The following BBX variants were observed in gnomAD, a reference collection of about 807,000 sequenced individuals.
The protein encoded by BBX is HMG box transcription factor BBX.
In BBX, 30 loss-of-function variants were observed where a neutral mutation model predicts 100.2. That is an observed-to-expected ratio of 0.30 (90% CI 0.22 to 0.41). The LOEUF is 0.41. Ranked by LOEUF, BBX falls within the 10% of genes least tolerant of loss-of-function variation. BBX has a pLI of 1.00. For missense variants in BBX, 1,023 were observed against 1,129.8 expected, an observed-to-expected ratio of 0.91 and a Z score of 1.35; for synonymous variants, 376 against 388.1, an observed-to-expected ratio of 0.97 and a Z score of 0.37.
At chr3:107,561,863 T>C (rs578171119) in intron 2 of BBX, among the ~76,000 whole-genome samples, 3 of 152,368 alleles carry the variant, frequency 2.0e-5, no homozygotes, top group East Asian at 1.9e-4. Flanking sequence ...TTTATCACTA[T>C]TTGCACTTTC....
intron 3 of BBX, among the ~76,000 whole-genome samples, chr3:107,688,610 C>G (rs934214311): frequency 2.0e-5 from 3 of 152,184 alleles, no homozygotes; most frequent in Admixed American, 2.0e-4. Flanking sequence ...TATATATTAT[C>G]TATTCCCTAA....
intron 2 of BBX, among the ~76,000 whole-genome samples, chr3:107,575,180 C>G (rs542077606): frequency 1.8e-4 from 28 of 152,278 alleles, no homozygotes; most frequent in African/African-American, 6.0e-4. Flanking sequence ...CTTTACTTGT[C>G]TAGTTGTATA....
chr3:107,536,139 T>C (rs1169861388), intron 2 of BBX, among the ~76,000 whole-genome samples: 2 of 152,196 alleles, frequency 1.3e-5, no homozygotes, highest in African/African-American at 2.4e-5. Context: ...GTGATTTAAG[T>C]GTGCTTTTAA....
rs564767901 is a variant in BBX at position 107,605,375 on chromosome 3, A to T, written c.-83-40461A>T. Among the ~76,000 whole-genome samples, 252 of 145,822 alleles carry T rather than the reference A, an allele frequency of 1.7e-3. 4 individuals are homozygous for T. In the East Asian group the frequency reaches 0.04, roughly 23 times the overall value. Reference sequence around the variant, plus strand: ...AGCTTCCATGGATTCTTCACTTTCTATTTTTTTTTTTGGGGGGGGGATTTA... The same window carrying T: ...AGCTTCCATGGATTCTTCACTTTCTTTTTTTTTTTTTGGGGGGGGGATTTA... On this transcript the variant is annotated intron_variant, in intron 2 of 17. Coordinates refer to ENST00000325805, the MANE Select transcript of BBX (RefSeq NM_001142568.3).
At chr3:107,569,267 CT>C (rs2051163619) in intron 2 of BBX, among the ~76,000 whole-genome samples, 1 of 152,184 alleles carries the variant, frequency 6.6e-6, no homozygotes, top group Non-Finnish European at 1.5e-5. Flanking sequence ...AAGAGTGAGT[CT>C]TTGATCACTA....
intron 13 of BBX, among the ~76,000 whole-genome samples, chr3:107,787,552 A>C (rs986222287): frequency 6.6e-6 from 1 of 152,228 alleles, no homozygotes; most frequent in African/African-American, 2.4e-5. Context: ...AGGTGATGAA[A>C]TGTTCAAAAA....
At chr3:107,660,495 C>T (rs534249278) in intron 3 of BBX, among the ~76,000 whole-genome samples, 1 of 87,586 alleles carries the variant, frequency 1.1e-5, no homozygotes, top group South Asian at 4.1e-4. Flanking sequence ...AAGTATTGTG[C>T]AAAAAGCATT....
At chr3:107,678,573 C>T (rs1344089876) in intron 3 of BBX, among the ~76,000 whole-genome samples, 4 of 151,832 alleles carry the variant, frequency 2.6e-5, no homozygotes, top group Non-Finnish European at 5.9e-5. Context: ...AAATTTGAAA[C>T]ATTAGCTGGG....
At chr3:107,642,117 C>T (rs2057248681) in intron 2 of BBX, among the ~76,000 whole-genome samples, 2 of 152,246 alleles carry the variant, frequency 1.3e-5, no homozygotes, top group South Asian at 4.1e-4. Flanking sequence ...GTTGGTATAA[C>T]AACATCATTT....
chr3:107,605,979 A>C (rs2054405819), intron 2 of BBX, among the ~76,000 whole-genome samples: 1 of 152,198 alleles, frequency 6.6e-6, no homozygotes, highest in South Asian at 2.1e-4. Flanking sequence ...TTTCAAGAAT[A>C]CCTATTACTT....
chr3:107,542,020 G>A (rs953844349), intron 2 of BBX, among the ~76,000 whole-genome samples: 16 of 152,036 alleles, frequency 1.1e-4, no homozygotes, highest in Non-Finnish European at 1.5e-4. Context: ...TTTTAGTTTG[G>A]CACTCCGTAG....
intron 7 of BBX, among the ~76,000 whole-genome samples, chr3:107,741,239 C>G (rs2064077621): frequency 6.6e-6 from 1 of 152,004 alleles, no homozygotes; most frequent in Admixed American, 6.6e-5. Flanking sequence ...ACTCACAATG[C>G]ATGTAACTGG....
At chr3:107,774,562 G>A (rs2067172964) in intron 11 of BBX, among the ~76,000 whole-genome samples, 157 bp from the exon 12 acceptor site, 2 of 152,104 alleles carry the variant, frequency 1.3e-5, no homozygotes, top group Non-Finnish European at 2.9e-5. Context: ...TATTAAAGAT[G>A]GTCCAGCATG....
At chr3:107,779,016 TATATAC>T (rs1456084479) in intron 13 of BBX, among the ~76,000 whole-genome samples, 3 of 72,408 alleles carry the variant, frequency 4.1e-5, no homozygotes, top group African/African-American at 1.3e-4. Context: ...TATATATATA[TATATAC>T]ACACACACAC....
At chr3:107,593,004 T>C (rs2053441664) in intron 2 of BBX, among the ~76,000 whole-genome samples, 1 of 152,246 alleles carries the variant, frequency 6.6e-6, no homozygotes, top group East Asian at 1.9e-4. Context: ...ATTTTAACTT[T>C]GTACTTCTAA....
chr3:107,580,888 C>G (rs1685630454), intron 2 of BBX, among the ~76,000 whole-genome samples: 1 of 152,216 alleles, frequency 6.6e-6, no homozygotes, highest in African/African-American at 2.4e-5. Context: ...GCCTCGGCCT[C>G]CTAAAGTGCT....
intron 2 of BBX, among the ~76,000 whole-genome samples, chr3:107,547,923 C>T (rs2049359512): frequency 1.3e-5 from 2 of 152,190 alleles, no homozygotes; most frequent in African/African-American, 2.4e-5. Flanking sequence ...CATCACATAT[C>T]TAGGGACTCT....
intron 2 of BBX, among the ~76,000 whole-genome samples, chr3:107,557,673 A>G (rs887690299): frequency 6.6e-6 from 1 of 152,220 alleles, no homozygotes; most frequent in Non-Finnish European, 1.5e-5. Context: ...TGCCTGCAGC[A>G]GCTCTTAGTG....
At chr3:107,635,400 T>C (rs1343478049) in intron 2 of BBX, among the ~76,000 whole-genome samples, 1 of 152,210 alleles carries the variant, frequency 6.6e-6, no homozygotes, top group East Asian at 1.9e-4. Context: ...TCCACTTAAG[T>C]ATACTGCCAT....
Sources: gnomAD v4.1 joint callset for allele counts (sites outside exome capture counted in the v4.1 genomes callset) on GRCh38, gnomAD v4.1.1 for gene constraint, MANE v1.5 for transcripts, NCBI Gene and HGNC (gene_info 2026-07-23, HGNC 2026-07-21) for gene names.